MOXD1: variants seen among roughly 807,000 people sequenced by gnomAD.
MOXD1 encodes the protein monooxygenase DBH like 1.
In MOXD1, 62 loss-of-function variants were observed where a neutral mutation model predicts 66.6. That is an observed-to-expected ratio of 0.93 (90% confidence interval 0.76 to 1.15). The LOEUF (loss-of-function observed/expected upper bound fraction) is 1.15. MOXD1 is among the 50% of genes most tolerant of loss of function. The probability of loss-of-function intolerance (pLI) is 0.00; values close to 1 mark genes in which losing one functional copy is unlikely to be tolerated. For missense variants in MOXD1, 847 were observed against 754.6 expected, an observed-to-expected ratio of 1.12 and a Z score of -1.44; for synonymous variants, 303 against 281.9, an observed-to-expected ratio of 1.07 and a Z score of -0.75.
intron 1 of MOXD1, chr6:132,392,361 A>G: frequency 1.3e-6 from 2 of 1,532,228 alleles, no homozygotes; most frequent in Non-Finnish European, 1.8e-6. Context: ...CCCCCATAAG[A>G]AGGGTGAATC....
chr6:132,370,270 G>C (rs1262075196), intron 4 of MOXD1, among the ~76,000 whole-genome samples: 1 of 151,980 alleles, frequency 6.6e-6, no homozygotes, highest in Non-Finnish European at 1.5e-5. Context: ...CTAGAAAAAA[G>C]AGCATGGAAA....
At chr6:132,398,277 G>A (rs1352063254) in intron 1 of MOXD1, among the ~76,000 whole-genome samples, 9 of 152,210 alleles carry the variant, frequency 5.9e-5, no homozygotes, top group South Asian at 4.1e-4. Flanking sequence ...CTACCTGATC[G>A]ATAAAAATTT....
intron 1 of MOXD1, 119 bp downstream of exon 1, chr6:132,401,044 G>C (rs1177232011): frequency 5.6e-5 from 70 of 1,252,694 alleles, no homozygotes; most frequent in Non-Finnish European, 7.2e-5. Flanking sequence ...CCGGGGGCGC[G>C]GGGCTGCGCC....
intron 1 of MOXD1, among the ~76,000 whole-genome samples, chr6:132,375,965 C>T (rs777220056): frequency 1.1e-4 from 17 of 152,118 alleles, no homozygotes; most frequent in Non-Finnish European, 2.4e-4. Context: ...ACATGGTTAG[C>T]GCCCATTCGA....
At chr6:132,333,178 T>C (rs1304418807) in intron 4 of MOXD1, among the ~76,000 whole-genome samples, 1 of 151,626 alleles carries the variant, frequency 6.6e-6, no homozygotes, top group African/African-American at 2.4e-5. Flanking sequence ...CTACTAAAAA[T>C]ACAAAAAATT....
At chr6:132,335,413 C>A (rs1451255320) in intron 4 of MOXD1, among the ~76,000 whole-genome samples, 1 of 152,010 alleles carries the variant, frequency 6.6e-6, no homozygotes, top group East Asian at 1.9e-4. Context: ...GAGAGGAGAT[C>A]ATACTGGATT....
At chr6:132,387,236 T>C (rs926143805) in intron 1 of MOXD1, among the ~76,000 whole-genome samples, 1 of 151,428 alleles carries the variant, frequency 6.6e-6, no homozygotes, top group Non-Finnish European at 1.5e-5. Context: ...GCAGCCACAT[T>C]GTATTGAGCT....
intron 10 of MOXD1, among the ~76,000 whole-genome samples, chr6:132,315,066 C>T (rs935049128): frequency 2.6e-5 from 4 of 152,182 alleles, no homozygotes; most frequent in African/African-American, 9.7e-5. Context: ...CTCATTGTGC[C>T]TATACTGTGC....
chr6:132,330,306 T>C (rs893911147), intron 4 of MOXD1, among the ~76,000 whole-genome samples: 4 of 152,188 alleles, frequency 2.6e-5, no homozygotes, highest in Non-Finnish European at 5.9e-5. Context: ...ATCCACCTCC[T>C]GTCAGATCAG....
intron 4 of MOXD1, among the ~76,000 whole-genome samples, chr6:132,368,394 G>A (rs1776187864): frequency 6.6e-6 from 1 of 151,944 alleles, no homozygotes; most frequent in African/African-American, 2.4e-5. Flanking sequence ...AAATTACCAA[G>A]AATATTCTTT....
chr6:132,351,760 C>A (rs563325207), intron 4 of MOXD1, among the ~76,000 whole-genome samples: 3 of 152,064 alleles, frequency 2.0e-5, no homozygotes, highest in Admixed American at 6.6e-5. Context: ...CGTCTGGCCC[C>A]GGACTTTTTT....
intron 2 of MOXD1, among the ~76,000 whole-genome samples, chr6:132,373,670 T>C (rs964268956): frequency 6.6e-6 from 1 of 152,172 alleles, no homozygotes; most frequent in Non-Finnish European, 1.5e-5. Flanking sequence ...CAGGAGAGAT[T>C]GCCCAAAGGG....
At chr6:132,357,279 A>C (rs1297696141) in intron 4 of MOXD1, among the ~76,000 whole-genome samples, 1 of 152,126 alleles carries the variant, frequency 6.6e-6, no homozygotes, top group Non-Finnish European at 1.5e-5. Flanking sequence ...ATCTTTTGGA[A>C]AATTCTATTT....
chr6:132,305,826 C>A (rs1774675128), intron 10 of MOXD1, among the ~76,000 whole-genome samples: 1 of 152,146 alleles, frequency 6.6e-6, no homozygotes, highest in South Asian at 2.1e-4. Context: ...TCAATGACAA[C>A]AAAAAAAGCA....
At chr6:132,387,751 T>TGAAAAAAAAAAAA (rs751701487) in intron 1 of MOXD1, among the ~76,000 whole-genome samples, 1 of 69,516 alleles carries the variant, frequency 1.4e-5, no homozygotes, top group Non-Finnish European at 3.0e-5. Flanking sequence ...AAACTCCATC[T>TGAAAAAAAAAAAA]AAAAAAAAAA....
intron 10 of MOXD1, among the ~76,000 whole-genome samples, chr6:132,313,903 G>A (rs866215213): frequency 1.3e-4 from 20 of 152,046 alleles, no homozygotes; most frequent in Non-Finnish European, 1.8e-4. Context: ...TGACAAGAGC[G>A]AAACTCTGTC....
At chr6:132,345,085 AGAG>A (rs1195812524) in intron 4 of MOXD1, among the ~76,000 whole-genome samples, 1 of 152,224 alleles carries the variant, frequency 6.6e-6, no homozygotes, top group Non-Finnish European at 1.5e-5. Flanking sequence ...ACAAATGAGC[AGAG>A]GTTCCATCGG....
intron 10 of MOXD1, among the ~76,000 whole-genome samples, chr6:132,298,872 A>C (rs906714269): frequency 6.6e-6 from 1 of 152,158 alleles, no homozygotes; most frequent in East Asian, 1.9e-4. Context: ...TAGATTTCTC[A>C]AAGAACTTAA....
At chr6:132,313,063 GTTTTAA>G (rs1774866046) in intron 10 of MOXD1, among the ~76,000 whole-genome samples, 1 of 100,018 alleles carries the variant, frequency 1.0e-5, no homozygotes, top group Non-Finnish European at 1.7e-5. Context: ...GATTTTTGTT[GTTTTAA>G]TTTGTTTACA....
Sources: allele counts gnomAD v4.1 joint callset (sites outside exome capture counted in the v4.1 genomes callset), GRCh38; gene constraint gnomAD v4.1.1; transcripts MANE v1.5; gene names NCBI Gene and HGNC (gene_info 2026-07-23, HGNC 2026-07-21).